The following GPC6 variants were observed in gnomAD, a reference collection of about 807,000 sequenced individuals.
GPC6 encodes the protein glypican 6.
GPC6 carries 14 observed loss-of-function variants against 55.2 expected under a neutral mutation model. The ratio of observed to expected loss-of-function variants is 0.25; its 90% CI spans 0.17 to 0.40. The LOEUF (loss-of-function observed/expected upper bound fraction) is 0.40, where lower values mean the gene tolerates loss of function less well. Among genes scored for constraint, GPC6 ranks in the 10% least tolerant of loss-of-function variants. The pLI is 1.00. For synonymous variants in GPC6, 278 were observed against 259.6 expected (o/e 1.07, Z -0.68); for missense variants, 641 against 708.5 (o/e 0.90, Z 1.08).
chr13:93,729,159 C>CT (rs1883741784), intron 2 of GPC6, among the ~76,000 whole-genome samples: 2 of 152,086 alleles, frequency 1.3e-5, no homozygotes, highest in Admixed American at 1.3e-4. Context: ...GTCTAATAGT[C>CT]TTAAATAGAG....
intron 2 of GPC6, among the ~76,000 whole-genome samples, chr13:93,583,495 C>T (rs368512789): frequency 1.3e-5 from 2 of 152,002 alleles, no homozygotes; most frequent in South Asian, 2.1e-4. Flanking sequence ...ATCGGCTCAC[C>T]GCAACCTCCG....
intron 6 of GPC6, among the ~76,000 whole-genome samples, chr13:94,317,677 A>C (rs1392208125): frequency 6.6e-6 from 1 of 152,348 alleles, no homozygotes; most frequent in East Asian, 1.9e-4. Context: ...TTTTTTTGAC[A>C]AAATGAATAA....
intron 2 of GPC6, among the ~76,000 whole-genome samples, chr13:93,668,496 A>T: frequency 6.6e-6 from 1 of 152,228 alleles, no homozygotes; most frequent in East Asian, 1.9e-4. Flanking sequence ...GGTTTTGAAA[A>T]TGTAAATAAA....
At chr13:93,878,235 C>T (rs750245328) in intron 3 of GPC6, among the ~76,000 whole-genome samples, 10 of 151,972 alleles carry the variant, frequency 6.6e-5, no homozygotes, top group Non-Finnish European at 1.2e-4. Context: ...TACAATAGTA[C>T]TAAAAGGTGG....
At chr13:93,419,389 C>T (rs1256756088) in intron 1 of GPC6, among the ~76,000 whole-genome samples, 5 of 151,734 alleles carry the variant, frequency 3.3e-5, no homozygotes, top group African/African-American at 7.3e-5. Flanking sequence ...CTCCTTATAT[C>T]GGTAATGTTT....
At chr13:93,491,089 C>T (rs1366866701) in intron 1 of GPC6, among the ~76,000 whole-genome samples, 1 of 36,608 alleles carries the variant, frequency 2.7e-5, no homozygotes, top group Non-Finnish European at 5.1e-5. Context: ...CCTGAGGAAT[C>T]GCCACACTGA....
chr13:94,035,647 T>C (rs2138731901), intron 4 of GPC6, among the ~76,000 whole-genome samples: 1 of 152,150 alleles, frequency 6.6e-6, no homozygotes, highest in East Asian at 1.9e-4. Context: ...GATTAGCAGC[T>C]AAAGTGAAAA....
At chr13:94,165,837 T>C (rs181918881) in intron 4 of GPC6, among the ~76,000 whole-genome samples, 5 of 152,270 alleles carry the variant, frequency 3.3e-5, no homozygotes, top group Admixed American at 1.3e-4. Context: ...GGATAATAGC[T>C]ACTTGCTTGA....
At chr13:94,050,595 G>T (rs145486708) in intron 4 of GPC6, among the ~76,000 whole-genome samples, 8 of 152,294 alleles carry the variant, frequency 5.3e-5, no homozygotes, top group African/African-American at 1.9e-4. Flanking sequence ...CAGAGAATGT[G>T]CACCAATAGA....
chr13:93,600,328 T>C (rs1877953912), intron 2 of GPC6, among the ~76,000 whole-genome samples: 1 of 152,148 alleles, frequency 6.6e-6, no homozygotes. Flanking sequence ...TAATTACAAT[T>C]GAGGTTTTCA....
At chr13:93,426,346 A>C (rs1021104776) in intron 1 of GPC6, among the ~76,000 whole-genome samples, 18 of 151,630 alleles carry the variant, frequency 1.2e-4, no homozygotes, top group African/African-American at 3.6e-4. Flanking sequence ...TTAACTCGTC[A>C]TCTAGCATTA....
intron 2 of GPC6, among the ~76,000 whole-genome samples, chr13:93,798,957 A>G (rs1336462129): frequency 2.0e-5 from 3 of 150,512 alleles, no homozygotes; most frequent in African/African-American, 7.4e-5. Flanking sequence ...CAATTTAGTT[A>G]GCACATAGAT....
intron 2 of GPC6, among the ~76,000 whole-genome samples, chr13:93,625,386 A>G (rs981587914): frequency 1.2e-4 from 19 of 152,304 alleles, no homozygotes; most frequent in Admixed American, 9.2e-4. Flanking sequence ...GCCACCTTCT[A>G]TGAAAAACAG....
At chr13:93,246,919 C>G (rs1876622798) in intron 1 of GPC6, among the ~76,000 whole-genome samples, 1 of 151,300 alleles carries the variant, frequency 6.6e-6, no homozygotes, top group African/African-American at 2.4e-5. Context: ...CTAATTTCCC[C>G]CCCAAATCTC....
chr13:93,573,011 G>T (rs1876480879), intron 2 of GPC6, among the ~76,000 whole-genome samples: 1 of 152,164 alleles, frequency 6.6e-6, no homozygotes, highest in African/African-American at 2.4e-5. Flanking sequence ...TGGTGAAGGA[G>T]GCAGGGGAAA....
intron 6 of GPC6, among the ~76,000 whole-genome samples, chr13:94,316,317 C>T (rs897610662): frequency 6.6e-6 from 1 of 152,122 alleles, no homozygotes; most frequent in African/African-American, 2.4e-5. Flanking sequence ...ACTTTGAGTT[C>T]AATCATCATT....
chr13:93,925,609 A>G (rs1320322844), intron 3 of GPC6, among the ~76,000 whole-genome samples: 1 of 152,148 alleles, frequency 6.6e-6, no homozygotes, highest in Non-Finnish European at 1.5e-5. Flanking sequence ...TAATCTAGTA[A>G]TCTATTGCTG....
At chr13:93,464,330 A>G (rs942556448) in intron 1 of GPC6, among the ~76,000 whole-genome samples, 2 of 152,162 alleles carry the variant, frequency 1.3e-5, no homozygotes, top group African/African-American at 4.8e-5. Context: ...GTAGCATGTG[A>G]TCCTATGTGA....
chr13:93,842,111 C>A (rs1470209053), intron 3 of GPC6, among the ~76,000 whole-genome samples: 1 of 152,054 alleles, frequency 6.6e-6, no homozygotes, highest in African/African-American at 2.4e-5. Context: ...ATACTTATTT[C>A]ATTGTTTTTA....
Sources: allele counts gnomAD v4.1 joint callset (sites outside exome capture counted in the v4.1 genomes callset), GRCh38; gene constraint gnomAD v4.1.1; transcripts MANE v1.5; gene names NCBI Gene and HGNC (gene_info 2026-07-23, HGNC 2026-07-21).